Variants in DLG2 observed in about 807,000 individuals in gnomAD.
The protein encoded by DLG2 is discs large MAGUK scaffold protein 2.
DLG2 carries 45 observed loss-of-function variants against 132.5 expected under a neutral mutation model. The observed-to-expected ratio is 0.34, with a 90% CI of 0.27 to 0.44. The LOEUF is 0.44. Ranked by LOEUF, DLG2 falls within the 20% of genes least tolerant of loss-of-function variation. The pLI, the probability that DLG2 is intolerant of heterozygous loss-of-function variation, is 1.00. For missense variants in DLG2, 1,045 were observed against 1,196.9 expected (o/e 0.87, Z 1.87); for synonymous variants, 424 against 419.6 (o/e 1.01, Z -0.13).
chr11:83,674,104 T>C (rs1283535261), intron 18 of DLG2, among the ~76,000 whole-genome samples: 3 of 152,126 alleles, frequency 2.0e-5, no homozygotes, highest in African/African-American at 4.8e-5. Flanking sequence ...TACATAGAAG[T>C]GATGTCAAAA....
intron 5 of DLG2, among the ~76,000 whole-genome samples, chr11:85,127,232 C>G (rs2152392683): frequency 6.8e-6 from 1 of 146,466 alleles, no homozygotes. Context: ...CATTCTCTCT[C>G]TCTCCCCCCG....
intron 18 of DLG2, among the ~76,000 whole-genome samples, chr11:83,681,646 C>A (rs2078836643): frequency 1.3e-5 from 2 of 152,156 alleles, no homozygotes; most frequent in Admixed American, 1.3e-4. Context: ...ACAATAATCG[C>A]CACAATGCCA....
intron 4 of DLG2, among the ~76,000 whole-genome samples, chr11:85,218,322 A>C (rs1036403004): frequency 2.6e-5 from 4 of 152,238 alleles, no homozygotes; most frequent in Non-Finnish European, 5.9e-5. Flanking sequence ...TGTCCTATGC[A>C]AGAACAAATA....
At chr11:84,092,436 G>C (rs574644980) in intron 10 of DLG2, among the ~76,000 whole-genome samples, 5 of 152,314 alleles carry the variant, frequency 3.3e-5, no homozygotes, top group Middle Eastern at 3.4e-3. Context: ...TGAGGAAACT[G>C]AAGAACATAG....
chr11:84,991,999 T>A (rs542952440), intron 6 of DLG2, among the ~76,000 whole-genome samples: 81 of 152,310 alleles, frequency 5.3e-4, no homozygotes, highest in South Asian at 3.5e-3. Flanking sequence ...TGTATTCCAA[T>A]CATGAAGGCA....
At chr11:83,775,521 A>G (rs1384118868) in intron 18 of DLG2, among the ~76,000 whole-genome samples, 1 of 152,224 alleles carries the variant, frequency 6.6e-6, no homozygotes, top group Admixed American at 6.5e-5. Context: ...GAGTTAACAC[A>G]TGCAGAGATT....
chr11:84,214,550 T>C (rs1014434126), intron 8 of DLG2, among the ~76,000 whole-genome samples: 1 of 151,986 alleles, frequency 6.6e-6, no homozygotes, highest in Non-Finnish European at 1.5e-5. Context: ...CTCAGAAACT[T>C]GAGATGAAGA....
chr11:84,315,752 A>G (rs2154394613), intron 7 of DLG2, among the ~76,000 whole-genome samples: 1 of 152,270 alleles, frequency 6.6e-6, no homozygotes, highest in South Asian at 2.1e-4. Flanking sequence ...GGCCATATAT[A>G]TGGCTATGCA....
chr11:85,623,751 A>G (rs183409164), intron 2 of DLG2, among the ~76,000 whole-genome samples: 20 of 152,256 alleles, frequency 1.3e-4, no homozygotes, highest in Non-Finnish European at 2.1e-4. Flanking sequence ...CTGTTAAAGC[A>G]TATTTTTATC....
intron 18 of DLG2, among the ~76,000 whole-genome samples, chr11:83,683,624 T>C (rs1480718434): frequency 6.6e-6 from 1 of 152,204 alleles, no homozygotes; most frequent in Non-Finnish European, 1.5e-5. Flanking sequence ...AATGGGTATA[T>C]TGAAACGTAC....
rs149684814 is a variant in DLG2 at position 83,518,492 on chromosome 11, G to A, written c.2193+14216C>T. Among the ~76,000 whole-genome samples the A allele has an allele frequency of 4.9e-4, 74 of 152,272 alleles. 1 individual carries two copies. In the East Asian group the frequency reaches 0.014, roughly 28 times the overall value. The stretch of plus-strand genomic sequence containing the variant: ...CCCGGGTGAGGCAATGCCTCACCCT[G>A]CTTCAGCGATGCCTCACCCTGCTTC... On this transcript the variant is annotated intron_variant, in intron 21 of 27. Transcript: ENST00000376104.
intron 3 of DLG2, among the ~76,000 whole-genome samples, chr11:85,341,782 C>G (rs1273587434): frequency 6.6e-6 from 1 of 152,116 alleles, no homozygotes; most frequent in East Asian, 1.9e-4. Context: ...CTTACACAAG[C>G]CTAGGTGATA....
intron 3 of DLG2, among the ~76,000 whole-genome samples, chr11:85,405,499 C>G (rs1466322781): frequency 1.3e-5 from 2 of 151,964 alleles, no homozygotes; most frequent in Non-Finnish European, 2.9e-5. Flanking sequence ...AATGAGCACA[C>G]ACATGTATTT....
intron 6 of DLG2, among the ~76,000 whole-genome samples, chr11:84,735,470 C>T (rs995258806): frequency 5.3e-5 from 8 of 151,848 alleles, no homozygotes; most frequent in Non-Finnish European, 1.2e-4. Flanking sequence ...ATTTCTGTGG[C>T]ATCGGTGGTG....
chr11:84,774,358 G>A (rs1455542202), intron 6 of DLG2, among the ~76,000 whole-genome samples: 1 of 152,008 alleles, frequency 6.6e-6, no homozygotes, highest in African/African-American at 2.4e-5. Flanking sequence ...CATTAAAATG[G>A]CCATACTGCC....
chr11:83,696,035 T>C (rs1031931261), intron 18 of DLG2, among the ~76,000 whole-genome samples: 18 of 152,138 alleles, frequency 1.2e-4, no homozygotes, highest in African/African-American at 4.3e-4. Context: ...CATGGGAGCC[T>C]CTGTAAGACT....
At chr11:83,826,303 C>A (rs551338565) in intron 17 of DLG2, among the ~76,000 whole-genome samples, 2 of 152,286 alleles carry the variant, frequency 1.3e-5, no homozygotes, top group South Asian at 4.1e-4. Flanking sequence ...TAGTGGGGCT[C>A]TGAAGCCAAG....
At chr11:83,479,649 T>C (rs2092935893) in intron 22 of DLG2, among the ~76,000 whole-genome samples, 1 of 152,092 alleles carries the variant, frequency 6.6e-6, no homozygotes, top group Non-Finnish European at 1.5e-5. Context: ...CGGTGTTTGG[T>C]GGATAGTTTC....
intron 6 of DLG2, among the ~76,000 whole-genome samples, chr11:84,642,924 C>G (rs961742736): frequency 2.0e-5 from 3 of 152,130 alleles, no homozygotes; most frequent in African/African-American, 7.2e-5. Context: ...AGAAAAATTA[C>G]CTGCATAAAA....
Sources: allele counts gnomAD v4.1 joint callset (sites outside exome capture counted in the v4.1 genomes callset), GRCh38; gene constraint gnomAD v4.1.1; transcripts MANE v1.5; gene names NCBI Gene and HGNC (gene_info 2026-07-23, HGNC 2026-07-21).